The following TMEM169 variants were observed in gnomAD, a reference collection of about 807,000 sequenced individuals.
The protein encoded by TMEM169 is transmembrane protein 169.
A neutral mutation model predicts 27.3 loss-of-function variants in TMEM169; 18 were observed. That is an observed-to-expected ratio of 0.66 (90% CI 0.46 to 0.98). The LOEUF (loss-of-function observed/expected upper bound fraction) is 0.98. Among genes scored for constraint, TMEM169 ranks in the 50% least tolerant of loss-of-function variants. TMEM169 has a pLI of 0.00. For synonymous variants in TMEM169, 136 were observed against 142.1 expected (o/e 0.96, Z 0.30); for missense variants, 320 against 368.6 (o/e 0.87, Z 1.08).
At chr2:216,086,408 G>C (rs1360634865) in intron 1 of TMEM169, among the ~76,000 whole-genome samples, 2 of 152,040 alleles carry the variant, frequency 1.3e-5, no homozygotes, top group Non-Finnish European at 2.9e-5. Flanking sequence ...GATGGGCACA[G>C]CTTAACTGCC....
At chr2:216,088,379 G>C (rs1696055197) in intron 1 of TMEM169, among the ~76,000 whole-genome samples, 1 of 152,224 alleles carries the variant, frequency 6.6e-6, no homozygotes, top group Non-Finnish European at 1.5e-5. Context: ...CAGGAGAATG[G>C]CGTGAACCCG....
chr2:216,098,051 G>A (rs970192936), intron 2 of TMEM169, among the ~76,000 whole-genome samples: 2 of 151,742 alleles, frequency 1.3e-5, no homozygotes, highest in African/African-American at 4.8e-5. Context: ...ATAAGAGGGA[G>A]GATGGTGAGA....
Position 216,096,239 on chromosome 2 carries a change from G to T in TMEM169, c.271+5G>T. ...TAGACTATCCTGTGGATGATGGTAA[G>T]TCTCTCTAGCCCACTTGTTTAAAGC... On this transcript the variant is annotated splice_donor_5th_base_variant and intron_variant, in intron 2 of 2. Coordinates refer to ENST00000437356, the MANE Select transcript of TMEM169 (RefSeq NM_001142311.2). 3 of 1,612,246 alleles carry T rather than the reference G, an allele frequency of 1.9e-6. No homozygotes were observed. The South Asian group carries it at 3.3e-5, about 18-fold the overall frequency.
intron 1 of TMEM169, among the ~76,000 whole-genome samples, chr2:216,086,441 CTCTT>C (rs1200624880): frequency 6.6e-6 from 1 of 152,174 alleles, no homozygotes; most frequent in Non-Finnish European, 1.5e-5. Flanking sequence ...AAAGTCCTCT[CTCTT>C]CTCTCAAGTC....
rs148400702 is a variant in TMEM169 at position 216,089,618 on chromosome 2, A to G, written c.-126-6220A>G. Among the ~76,000 whole-genome samples the G allele has an allele frequency of 6.7e-3, 1,021 of 152,210 alleles. 10 individuals carry two copies. The highest frequency in any genetic ancestry group is 0.01 in the Middle Eastern group (3 of 294). ...ATTACAGGCGTGCACAACCACGCCAAGCTACTTGTATTTTTAGTAGAGACA... is the reference window on the plus strand; with the variant it reads ...ATTACAGGCGTGCACAACCACGCCAGGCTACTTGTATTTTTAGTAGAGACA... On this transcript the variant is annotated intron_variant, in intron 1 of 2. Transcript: ENST00000437356.
rs910398622 is a variant in TMEM169, at chr2:216,101,276, C to T, written c.*734C>T. ...AGAGGAAAGGGCAGAGAAGCACACA[C>T]CCTTCCTGTTCAAGGAGACTTCCCA... On this transcript the variant is annotated 3_prime_UTR_variant, in exon 3 of 3. Coordinates refer to ENST00000437356, the MANE Select transcript of TMEM169 (RefSeq NM_001142311.2). The T allele has an allele frequency of 3.3e-5, 5 of 152,790 alleles. No homozygotes were observed. Among genetic ancestry groups the T allele is most frequent in the African/African-American group, 1.2e-4 (5 of 41,452 alleles). 9.5% of individuals were successfully genotyped at this position (152,790 alleles called of 1,614,324 possible). A position where few individuals can be genotyped will look rare whatever the true frequency, so the allele number is the denominator to read the frequency against.
In TMEM169 at chr2:216,100,060, T is replaced by C; in HGVS notation, c.412T>C (p.Ser138Pro). ...GCAGGAACTGACCAAACCTAAAGAGTCATCAAGGGAAACGACGCCTGAAGG... is the reference window on the plus strand; with the variant it reads ...GCAGGAACTGACCAAACCTAAAGAGCCATCAAGGGAAACGACGCCTGAAGG... Reference protein sequence around the residue: ...ELQELTKPKESSRETTPEGRM... With the variant: ...ELQELTKPKEPSRETTPEGRM... Residue 138 changes from serine (S) to proline (P), a missense_variant, in exon 3 of 3, where the codon TCA (serine) becomes CCA (proline). By Grantham distance (74) the Ser-to-Pro change is moderately conservative (BLOSUM62 -1). Transcript: ENST00000437356. 6.2e-7 allele frequency: 1 copy of C among 1,613,768 alleles called. No homozygotes were observed.
At position 216,102,008 on chromosome 2, in the gene TMEM169, A is replaced by AATG. The variant is rs764845812; in HGVS notation, c.*1467_*1469dup. ...ACGTACTTTGCAATTAAGCTTCTGT[A>AATG]ATGTCATGTGATTTGTTTTTGGAAA... On this transcript the variant is annotated 3_prime_UTR_variant, in exon 3 of 3. Coordinates refer to ENST00000437356, the MANE Select transcript of TMEM169 (RefSeq NM_001142311.2). 2.0e-5 allele frequency: 3 copies of AATG among 152,178 alleles called. No homozygotes were observed. Among genetic ancestry groups the AATG allele is most frequent in the African/African-American group, 4.8e-5 (2 of 41,444 alleles). 9.4% of individuals were successfully genotyped at this position (152,178 alleles called of 1,614,324 possible).
At chr2:216,097,146 A>G (rs1267739602) in intron 2 of TMEM169, among the ~76,000 whole-genome samples, 1 of 152,198 alleles carries the variant, frequency 6.6e-6, no homozygotes, top group African/African-American at 2.4e-5. Flanking sequence ...CTCAATATCT[A>G]CTCCATGAAA....
chr2:216,087,168 A>G (rs11888271), intron 1 of TMEM169, among the ~76,000 whole-genome samples: 99,029 of 151,732 alleles, frequency 0.65, 34,125 homozygotes, highest in African/African-American at 0.87. Context: ...GTCACGTTGC[A>G]GGAAAGGGAA....
chr2:216,096,349 C>A, intron 2 of TMEM169, 115 bp downstream of exon 2: 1 of 1,224,288 alleles, frequency 8.2e-7, no homozygotes, highest in Non-Finnish European at 1.1e-6. Flanking sequence ...TACATTTCTT[C>A]TTGCAATATT....
At chr2:216,089,351 G>A (rs1696076695) in intron 1 of TMEM169, among the ~76,000 whole-genome samples, 1 of 152,128 alleles carries the variant, frequency 6.6e-6, no homozygotes. Context: ...AGGAGAAATA[G>A]GGTTTTGGAC....
intron 1 of TMEM169, among the ~76,000 whole-genome samples, chr2:216,093,336 T>A (rs1696183767): frequency 6.6e-6 from 1 of 152,154 alleles, no homozygotes; most frequent in African/African-American, 2.4e-5. Flanking sequence ...TTAATTGTCC[T>A]CTGGAGCTAT....
At chr2:216,084,815 T>C (rs1695959193) in intron 1 of TMEM169, among the ~76,000 whole-genome samples, 1 of 152,120 alleles carries the variant, frequency 6.6e-6, no homozygotes, top group South Asian at 2.1e-4. Context: ...AAGCATTTGG[T>C]GCTCTTGAGG....
At position 216,099,760 on chromosome 2, in the gene TMEM169, G is replaced by T. The variant is rs920383950; in HGVS notation, c.272-160G>T. 6.6e-6 allele frequency among the ~76,000 whole-genome samples: 1 copy of T among 152,060 alleles called. No individual in the cohort carries two copies. The highest frequency in any genetic ancestry group is 2.4e-5 in the African/African-American group (1 of 41,386). ...TAACACCAGTGGTCACTCTCCCGAG[G>T]GAGACCCACTCAGTCCGCCATTGAA... On this transcript the variant is annotated intron_variant, in intron 2 of 2. Transcript: ENST00000437356. The surrounding 1 kb of genome is among the most constrained non-coding windows in gnomAD (Gnocchi z 5.0).
In TMEM169 at chr2:216,101,082, T is replaced by TACG; in HGVS notation, c.*540_*541insACG. The TACG allele has an allele frequency of 5.9e-6, 1 of 169,766 alleles. No homozygotes were observed. Among genetic ancestry groups the TACG allele is most frequent in the Non-Finnish European group, 1.3e-5 (1 of 77,654 alleles). The allele number at this position is 169,766 out of a possible 1,614,324, so 10.5% of individuals were successfully genotyped here. A position where few individuals can be genotyped will look rare whatever the true frequency, so the allele number is the denominator to read the frequency against. ...AAGATAGAAGTGTATTTCTTTCTTG[T>TACG]GCAGAAGAAGTCTGGAGGCAGACCA... On this transcript the variant is annotated 3_prime_UTR_variant, in exon 3 of 3. Coordinates refer to ENST00000437356, the MANE Select transcript of TMEM169 (RefSeq NM_001142311.2).
chr2:216,093,125 A>AGTGTGTGTGTGTGT lies in TMEM169; in HGVS notation c.-126-2688_-126-2675dup, dbSNP rs60241289. ...ATCCTGGAACTTAACGTAATAATGA[A>AGTGTGTGTGTGTGT]GTGTGTGTGTGTGTGTGTGTGTGTG... On this transcript the variant is annotated intron_variant, in intron 1 of 2. Transcript: ENST00000437356. Among the ~76,000 whole-genome samples, 527 of 145,886 alleles carry AGTGTGTGTGTGTGT rather than the reference A, an allele frequency of 3.6e-3. 1 individual carries two copies. The highest frequency in any genetic ancestry group is 0.013 in the African/African-American group (493 of 38,824).
chr2:216,091,798 ATTG>A (rs1231280063), intron 1 of TMEM169, among the ~76,000 whole-genome samples: 1 of 152,092 alleles, frequency 6.6e-6, no homozygotes, highest in East Asian at 1.9e-4. Context: ...ACTGAGGGAG[ATTG>A]TTGTTGATCA....
intron 2 of TMEM169, among the ~76,000 whole-genome samples, chr2:216,098,647 A>G (rs1360396088): frequency 2.0e-5 from 3 of 151,762 alleles, no homozygotes; most frequent in African/African-American, 7.3e-5. Flanking sequence ...TAAAGGCTGT[A>G]TTTTCCCATC....
Sources: gnomAD v4.1 joint callset for allele counts (sites outside exome capture counted in the v4.1 genomes callset) on GRCh38, gnomAD v4.1.1 for gene constraint, Gnocchi (gnomAD v3.1) non-coding constraint, MANE v1.5 for transcripts, NCBI Gene and HGNC (gene_info 2026-07-23, HGNC 2026-07-21) for gene names.